The following TBXAS1 variants were observed in gnomAD, a reference collection of about 807,000 sequenced individuals.
TBXAS1 encodes thromboxane-A synthase.
In TBXAS1, 48 loss-of-function variants were observed where a neutral mutation model predicts 60.7. The observed-to-expected ratio is 0.79, with a 90% CI of 0.63 to 1.01. The LOEUF (loss-of-function observed/expected upper bound fraction) is 1.01, where lower values mean the gene tolerates loss of function less well. Ranked by LOEUF, TBXAS1 falls within the 50% of genes least tolerant of loss-of-function variation. TBXAS1 has a pLI of 0.00. For missense variants in TBXAS1, 685 were observed against 686.3 expected (o/e 1.00, Z 0.02); for synonymous variants, 287 against 269.7 (o/e 1.06, Z -0.63).
At chr7:139,944,778 C>T (rs997895255) in intron 5 of TBXAS1, among the ~76,000 whole-genome samples, 5 of 152,172 alleles carry the variant, frequency 3.3e-5, no homozygotes, top group African/African-American at 4.8e-5. Context: ...GGGCTTATCT[C>T]TGTTTAGATG....
At chr7:139,982,692 C>A (rs762461781) in intron 9 of TBXAS1, among the ~76,000 whole-genome samples, 7 of 152,178 alleles carry the variant, frequency 4.6e-5, no homozygotes, top group Non-Finnish European at 1.5e-5. Flanking sequence ...CCACTCTTAA[C>A]CCCCTAAATT....
chr7:139,934,000 C>T (rs924049863), intron 4 of TBXAS1, among the ~76,000 whole-genome samples: 1 of 152,078 alleles, frequency 6.6e-6, no homozygotes, highest in African/African-American at 2.4e-5. Flanking sequence ...TCGGAGAAGC[C>T]TCCCAAATAT....
intron 9 of TBXAS1, among the ~76,000 whole-genome samples, chr7:139,972,518 A>C (rs1320778632): frequency 1.3e-5 from 2 of 152,200 alleles, no homozygotes; most frequent in Non-Finnish European, 2.9e-5. Context: ...TTTTATTCCC[A>C]ACAATTAGCT....
intron 9 of TBXAS1, 121 bp from the exon 10 acceptor site, chr7:140,006,970 T>C: frequency 1.0e-6 from 1 of 963,568 alleles, no homozygotes. Context: ...TTCCATTTTG[T>C]GGGGTTTCTG....
intron 1 of TBXAS1, among the ~76,000 whole-genome samples, chr7:139,843,167 C>A (rs1267554498): frequency 6.6e-6 from 1 of 152,144 alleles, no homozygotes; most frequent in African/African-American, 2.4e-5. Context: ...GCTCTCCCTT[C>A]TTGGTTTAAC....
intron 4 of TBXAS1, among the ~76,000 whole-genome samples, chr7:139,935,680 T>A (rs1258188090): frequency 6.6e-6 from 1 of 151,748 alleles, no homozygotes; most frequent in Non-Finnish European, 1.5e-5. Context: ...AGCACACGCT[T>A]CTGAAGGCCT....
At chr7:139,934,495 C>T (rs527886679) in intron 4 of TBXAS1, among the ~76,000 whole-genome samples, 43 of 152,202 alleles carry the variant, frequency 2.8e-4, no homozygotes, top group African/African-American at 1.0e-3. Flanking sequence ...GCCGCAAAGT[C>T]TTTTTCATTC....
intron 5 of TBXAS1, among the ~76,000 whole-genome samples, 180 bp downstream of exon 5, chr7:139,936,487 T>C (rs1807803635): frequency 6.6e-6 from 1 of 152,198 alleles, no homozygotes; most frequent in African/African-American, 2.4e-5. Context: ...GTTGAGCGTC[T>C]TTCGTCTCTC....
At chr7:139,783,031 C>T (rs1235900846) in intron 3 of TBXAS1, among the ~76,000 whole-genome samples, 2 of 152,092 alleles carry the variant, frequency 1.3e-5, no homozygotes, top group Non-Finnish European at 2.9e-5. Flanking sequence ...TATTTAATAA[C>T]AAAACTCTTT....
intron 1 of TBXAS1, among the ~76,000 whole-genome samples, chr7:139,864,244 A>C (rs546364879): frequency 3.3e-5 from 5 of 151,780 alleles, no homozygotes; most frequent in African/African-American, 1.2e-4. Flanking sequence ...CAACGCTGGC[A>C]TTAAAAAAAA....
At chr7:139,912,989 C>T (rs912592991) in intron 4 of TBXAS1, 17 of 648,820 alleles carry the variant, frequency 2.6e-5, no homozygotes, top group Middle Eastern at 3.3e-4. Context: ...TGACAGCTGC[C>T]TCAGTGACAT....
chr7:139,998,224 C>T (rs1220489750), intron 9 of TBXAS1, among the ~76,000 whole-genome samples: 1 of 152,156 alleles, frequency 6.6e-6, no homozygotes, highest in African/African-American at 2.4e-5. Flanking sequence ...GGCATGTGAC[C>T]GGGAGAGGCC....
In TBXAS1 at chr7:139,853,373, G is replaced by A. The variant is rs1236144774; in HGVS notation, c.90-18862G>A. ...AAACAGTAGGGCCTGGTAATGGTGA[G>A]CACAGACTCCAGAGCCAGACAGCCT... On this transcript the variant is annotated intron_variant, in intron 1 of 12. Coordinates refer to ENST00000448866, the MANE Select transcript of TBXAS1 (RefSeq NM_001061.7). Among the ~76,000 whole-genome samples, 10 of 152,214 alleles carry A rather than the reference G, an allele frequency of 6.6e-5. 1 individual carries two copies. Among genetic ancestry groups the A allele is most frequent in the Admixed American group, 6.5e-4 (10 of 15,292 alleles).
chr7:139,791,212 A>T (rs1216277067), intron 4 of TBXAS1, among the ~76,000 whole-genome samples: 1 of 152,230 alleles, frequency 6.6e-6, no homozygotes, highest in Non-Finnish European at 1.5e-5. Context: ...TGACAGATAA[A>T]TGCTAACGGT....
At chr7:139,965,944 C>A (rs1810757921) in intron 9 of TBXAS1, among the ~76,000 whole-genome samples, 1 of 150,384 alleles carries the variant, frequency 6.6e-6, no homozygotes, top group Non-Finnish European at 1.5e-5. Context: ...TCTGTCAGGA[C>A]ATGGAAATGC....
In TBXAS1 at chr7:139,962,018, A is replaced by G. The variant is rs760976514; in HGVS notation, c.919A>G (p.Thr307Ala). 6.2e-7 allele frequency: 1 copy of G among 1,614,184 alleles called. No individual in the cohort carries two copies. The highest frequency in any genetic ancestry group is 8.5e-7 in the Non-Finnish European group (1 of 1,180,046). Reference protein sequence around the residue: ...FDIVRDVFSSTGCKPNPSRQH... With the variant: ...FDIVRDVFSSAGCKPNPSRQH... ...CATCGTCAGAGACGTTTTCTCCTCT[A>G]CTGGGTGCAAGCCGAACCCTTCCCG... The change falls in exon 9 of 13, where the codon ACT becomes GCT. Residue 307 changes from threonine to alanine, a missense_variant. By Grantham distance (58) the Thr-to-Ala change is moderately conservative. Transcript: ENST00000448866.
chr7:139,919,614 A>G (rs1806290848), intron 4 of TBXAS1, among the ~76,000 whole-genome samples: 1 of 152,174 alleles, frequency 6.6e-6, no homozygotes, highest in Admixed American at 6.5e-5. Flanking sequence ...CCGATAATAC[A>G]TGAACCCGGT....
chr7:139,835,489 C>A (rs1378099009), intron 1 of TBXAS1, among the ~76,000 whole-genome samples: 1 of 152,114 alleles, frequency 6.6e-6, no homozygotes, highest in East Asian at 1.9e-4. Flanking sequence ...ATACAAAAGT[C>A]AATAAATGTG....
At position 139,852,449 on chromosome 7, in the gene TBXAS1, C is replaced by T. The variant is rs1034809659; in HGVS notation, c.90-19786C>T. ...CAGAAGCAAACACACTGAGGAACAACGGGCACTGAGATTCAGGGCTCTTGG... is the reference window on the plus strand; with the variant it reads ...CAGAAGCAAACACACTGAGGAACAATGGGCACTGAGATTCAGGGCTCTTGG... On this transcript the variant is annotated intron_variant, in intron 1 of 12. Transcript: ENST00000448866. This position sits in a 1 kb window ranked among gnomAD's most constrained non-coding sequence, Gnocchi z 4.4. 4.6e-5 allele frequency among the ~76,000 whole-genome samples: 7 copies of T among 152,270 alleles called. No individual in the cohort carries two copies. The highest frequency in any genetic ancestry group is 3.9e-4 in the East Asian group (2 of 5,182).
Sources: gnomAD v4.1 joint callset for allele counts (sites outside exome capture counted in the v4.1 genomes callset) on GRCh38, gnomAD v4.1.1 for gene constraint, Gnocchi (gnomAD v3.1) non-coding constraint, MANE v1.5 for transcripts, NCBI Gene and HGNC (gene_info 2026-07-23, HGNC 2026-07-21) for gene names.